The following DHX30 variants were observed in gnomAD, a reference collection of about 807,000 sequenced individuals.
DHX30 encodes the protein ATP-dependent RNA helicase DHX30.
DHX30 carries 4 observed loss-of-function variants against 116.9 expected under a neutral mutation model. That is an observed-to-expected ratio of 0.03 (90% confidence interval 0.02 to 0.08). The LOEUF is 0.08. Among genes scored for constraint, DHX30 ranks in the 10% least tolerant of loss-of-function variants. The probability of loss-of-function intolerance (pLI) is 1.00; values close to 1 mark genes in which losing one functional copy is unlikely to be tolerated. For synonymous variants in DHX30, 697 were observed against 651.7 expected (o/e 1.07, Z -1.06); for missense variants, 871 against 1,595.1 (o/e 0.55, Z 7.73).
Position 47,848,582 on chromosome 3 carries a change from G to C in DHX30, c.2575+32G>C. The stretch of plus-strand genomic sequence containing the variant: ...AGGGGCTGGGCTGGGCTGGGCTGGG[G>C]AGTGGCTCTCGAGGGTGGTACTGAC... On this transcript the variant is annotated intron_variant, in intron 16 of 21. Coordinates refer to ENST00000445061, the MANE Select transcript of DHX30 (RefSeq NM_138615.3). This position sits in a 1 kb window ranked among gnomAD's most constrained non-coding sequence, Gnocchi z 9.4. 1 of 1,614,040 alleles carries C rather than the reference G, an allele frequency of 6.2e-7. No homozygotes were observed. The highest frequency in any genetic ancestry group is 8.5e-7 in the Non-Finnish European group (1 of 1,179,986).
intron 2 of DHX30, among the ~76,000 whole-genome samples, chr3:47,806,419 G>A (rs2035525867): frequency 6.6e-6 from 1 of 151,318 alleles, no homozygotes; most frequent in East Asian, 2.0e-4. Context: ...TGGGATTACA[G>A]GTGTGAGCCA....
chr3:47,844,657 A>T (rs1305641308), intron 9 of DHX30, among the ~76,000 whole-genome samples: 1 of 152,076 alleles, frequency 6.6e-6, no homozygotes, highest in African/African-American at 2.4e-5. Flanking sequence ...TTAAGGAGGG[A>T]GTGTTTGATC....
At chr3:47,824,902 G>A (rs573956055) in intron 4 of DHX30, 1 of 476,266 alleles carries the variant, frequency 2.1e-6, no homozygotes, top group Non-Finnish European at 3.7e-6. Context: ...GAGCGAGGAC[G>A]GGCTGCTGAT....
Position 47,841,308 on chromosome 3 carries a change from A to C in DHX30, c.668+130A>C, listed in dbSNP as rs544567696. 2.2e-6 allele frequency: 3 copies of C among 1,367,386 alleles called. No homozygotes were observed. In the African/African-American group the frequency reaches 4.4e-5, roughly 20 times the overall value. The allele number at this position is 1,367,386 out of a possible 1,614,324, so 84.7% of individuals were successfully genotyped here. A position where few individuals can be genotyped will look rare whatever the true frequency, so the allele number is the denominator to read the frequency against. ...CACATTTCAGCCTGTGTGCCCCATC[A>C]CTCAGTGTGTGTCTGCCCATTCTTG... On this transcript the variant is annotated intron_variant, in intron 7 of 21. Transcript: ENST00000445061.
intron 6 of DHX30, 34 bp downstream of exon 6, chr3:47,829,168 T>TC: frequency 2.4e-6 from 3 of 1,233,272 alleles, no homozygotes; most frequent in Non-Finnish European, 2.3e-6. Flanking sequence ...ACTGAGACCT[T>TC]CCTCCTGGAA....
rs754158644 is a variant in DHX30, at chr3:47,847,512, G to A, written c.2086G>A (p.Glu696Lys). The A allele has an allele frequency of 9.9e-6, 16 of 1,611,226 alleles. No homozygotes were observed. The highest frequency in any genetic ancestry group is 3.3e-5 in the South Asian group (3 of 90,668). ...QRLQEALGMHESKYLILPVHS... is the reference protein window; with the variant it reads ...QRLQEALGMHKSKYLILPVHS... ...CCTCCAGGAGGCCCTGGGCATGCACGAGAGCAAGTACCTCATCCTGCCAGG... is the reference window on the plus strand; with the variant it reads ...CCTCCAGGAGGCCCTGGGCATGCACAAGAGCAAGTACCTCATCCTGCCAGG... Residue 696 changes from glutamate (E) to lysine (K), a missense_variant, in exon 13 of 22, where the codon GAG becomes AAG. Around this residue, in one of 13 missense-constraint regions of DHX30, gnomAD observed 49 missense variants for 60.9 expected, o/e 0.80. Transcript: ENST00000445061. The surrounding 1 kb of genome is among the most constrained non-coding windows in gnomAD (Gnocchi z 5.5).
chr3:47,810,447 G>C (rs1196672258), intron 2 of DHX30, among the ~76,000 whole-genome samples: 1 of 152,244 alleles, frequency 6.6e-6, no homozygotes, highest in Admixed American at 6.5e-5. Context: ...AGGGAAGAAA[G>C]TGCTCAATTA....
Position 47,849,471 on chromosome 3 carries a change from C to A in DHX30, c.3108C>A (p.Thr1036=). The A allele has an allele frequency of 6.3e-7, 1 of 1,576,074 alleles. No homozygotes were observed. The highest frequency in any genetic ancestry group is 1.3e-5 in the African/African-American group (1 of 74,372). Residue 1036 remains threonine, a synonymous_variant, in exon 20 of 22, where the codon ACC becomes ACA. Coordinates refer to ENST00000445061, the MANE Select transcript of DHX30 (RefSeq NM_138615.3). ...NLIQVRQGKV[T]RQGKFKPNSV... Reference sequence around the variant, plus strand: ...TGCAGGTGAGGCAGGGCAAGGTCACCCGGCAGGGGAAGTTCAAGCCCAACA... The same window carrying A: ...TGCAGGTGAGGCAGGGCAAGGTCACACGGCAGGGGAAGTTCAAGCCCAACA...
intron 9 of DHX30, among the ~76,000 whole-genome samples, chr3:47,845,216 C>T (rs1365036300): frequency 6.6e-6 from 1 of 152,136 alleles, no homozygotes; most frequent in Admixed American, 6.5e-5. Context: ...GAGACAGAGT[C>T]TCGCTCTGTC....
intron 4 of DHX30, among the ~76,000 whole-genome samples, chr3:47,822,805 T>G (rs1253731349): frequency 1.4e-5 from 2 of 145,424 alleles, no homozygotes; most frequent in African/African-American, 5.1e-5. Flanking sequence ...ACATAAAAAA[T>G]AAGAAAGGCC....
intron 3 of DHX30, among the ~76,000 whole-genome samples, chr3:47,814,885 AAAT>A (rs2035983266): frequency 1.3e-5 from 2 of 151,856 alleles, no homozygotes; most frequent in Admixed American, 1.3e-4. Flanking sequence ...ATAATTAAAA[AAAT>A]AATTTTTTTT....
chr3:47,832,449 A>T (rs11130150), intron 6 of DHX30, among the ~76,000 whole-genome samples: 91,713 of 151,896 alleles, frequency 0.6, 29,032 homozygotes, highest in East Asian at 0.72. Flanking sequence ...AGCTGGGATT[A>T]CAGGCACACA....
At position 47,848,869 on chromosome 3, in the gene DHX30, G is replaced by T; in HGVS notation, c.2770-51G>T. ...GTCCACCCACTGCTGTTCTGAGGGG[G>T]CGTTGTCTAGCCCCTGCCTGTGATC... On this transcript the variant is annotated intron_variant, in intron 17 of 21. Coordinates refer to ENST00000445061, the MANE Select transcript of DHX30 (RefSeq NM_138615.3). This position sits in a 1 kb window ranked among gnomAD's most constrained non-coding sequence, Gnocchi z 9.4. 6.3e-7 allele frequency: 1 copy of T among 1,597,696 alleles called. No homozygotes were observed. The highest frequency in any genetic ancestry group is 8.6e-7 in the Non-Finnish European group (1 of 1,167,742).
chr3:47,837,286 A>G (rs1448344991), intron 6 of DHX30, among the ~76,000 whole-genome samples: 2 of 152,210 alleles, frequency 1.3e-5, no homozygotes, highest in African/African-American at 2.4e-5. Flanking sequence ...CAGGGCCTTC[A>G]CTGTCACAGG....
chr3:47,831,971 G>A (rs1025999914), intron 6 of DHX30, among the ~76,000 whole-genome samples: 4 of 133,684 alleles, frequency 3.0e-5, no homozygotes, highest in Non-Finnish European at 6.3e-5. Context: ...CATCGTCTTG[G>A]CATTTTCCTT....
intron 9 of DHX30, chr3:47,845,482 C>G (rs113326345): frequency 3.4e-5 from 16 of 471,642 alleles, no homozygotes; most frequent in African/African-American, 2.6e-4. Flanking sequence ...CCACCGCGCC[C>G]GGCCTGAATT....
intron 6 of DHX30, among the ~76,000 whole-genome samples, chr3:47,833,183 A>G (rs1401759512): frequency 6.6e-6 from 1 of 152,088 alleles, no homozygotes; most frequent in Non-Finnish European, 1.5e-5. Context: ...ACTATATTCA[A>G]GCAAATTAAC....
intron 3 of DHX30, chr3:47,815,939 C>CT (rs200901757): frequency 0.046 from 37,492 of 811,634 alleles, no homozygotes; most frequent in Middle Eastern, 0.054. Context: ...ATCATTTATT[C>CT]TTTTTTTTTT....
chr3:47,821,107 G>A (rs1263790535), intron 4 of DHX30, among the ~76,000 whole-genome samples: 1 of 151,708 alleles, frequency 6.6e-6, no homozygotes, highest in Non-Finnish European at 1.5e-5. Flanking sequence ...GCATGCACCA[G>A]CATGCCCAGC....
Sources: gnomAD v4.1 joint callset for allele counts (sites outside exome capture counted in the v4.1 genomes callset) on GRCh38, gnomAD v4.1.1 for gene constraint, gnomAD v4.1.1 regional missense constraint, Gnocchi (gnomAD v3.1) non-coding constraint, MANE v1.5 for transcripts, NCBI Gene and HGNC (gene_info 2026-07-23, HGNC 2026-07-21) for gene names.